Variants in PRMT3 observed in about 807,000 individuals in gnomAD.
PRMT3 encodes protein arginine methyltransferase 3.
PRMT3 carries 62 observed loss-of-function variants against 71.9 expected under a neutral mutation model. The ratio of observed to expected loss-of-function variants is 0.86; its 90% CI spans 0.70 to 1.07. PRMT3 has a LOEUF of 1.07. Ranked by LOEUF, PRMT3 falls within the 50% of genes least tolerant of loss-of-function variation. The probability of loss-of-function intolerance (pLI) is 0.00; values close to 1 mark genes in which losing one functional copy is unlikely to be tolerated. For synonymous variants in PRMT3, 213 were observed against 220.4 expected (o/e 0.97, Z 0.30); for missense variants, 663 against 643.0 (o/e 1.03, Z -0.34).
At chr11:20,481,067 T>C (rs1011950482) in intron 13 of PRMT3, among the ~76,000 whole-genome samples, 33 of 152,108 alleles carry the variant, frequency 2.2e-4, no homozygotes, top group African/African-American at 7.5e-4. Context: ...TTTGAAAATA[T>C]CCATCAAAAT....
Position 20,478,485 on chromosome 11 carries a change from T to C in PRMT3, c.1347+13939T>C, listed in dbSNP as rs543261192. 2.0e-5 allele frequency among the ~76,000 whole-genome samples: 3 copies of C among 151,852 alleles called. No individual in the cohort carries two copies. In the East Asian group the frequency reaches 5.8e-4, roughly 29 times the overall value. On this transcript the variant is annotated intron_variant, in intron 13 of 15. Coordinates refer to ENST00000331079, the MANE Select transcript of PRMT3 (RefSeq NM_005788.4). ...GTTGAAGGCTGCAGCAAGCAATGATTGTACCACTGCACTCCAGCCTGGGTG... is the reference window on the plus strand; with the variant it reads ...GTTGAAGGCTGCAGCAAGCAATGATCGTACCACTGCACTCCAGCCTGGGTG...
intron 15 of PRMT3, among the ~76,000 whole-genome samples, chr11:20,502,058 G>C (rs1006557071): frequency 1.3e-5 from 2 of 152,096 alleles, no homozygotes; most frequent in African/African-American, 2.4e-5. Flanking sequence ...AAAATACACT[G>C]TAACAATTAA....
chr11:20,446,748 G>A (rs1850039243), intron 10 of PRMT3, among the ~76,000 whole-genome samples: 1 of 152,070 alleles, frequency 6.6e-6, no homozygotes, highest in Admixed American at 6.6e-5. Context: ...ATTGTACAAA[G>A]ATGTCTATGT....
intron 13 of PRMT3, among the ~76,000 whole-genome samples, chr11:20,466,853 A>C (rs766847194): frequency 6.6e-5 from 10 of 152,230 alleles, no homozygotes; most frequent in Admixed American, 1.3e-4. Context: ...CTAAGTATCA[A>C]ATAGTTACTT....
intron 7 of PRMT3, among the ~76,000 whole-genome samples, chr11:20,401,847 G>A (rs905732966): frequency 2.6e-5 from 4 of 152,176 alleles, no homozygotes; most frequent in African/African-American, 7.2e-5. Context: ...ACTCCAGAGT[G>A]TAGGAGCCTT....
chr11:20,426,650 G>T, intron 9 of PRMT3, 116 bp from the exon 10 acceptor site: 1 of 1,087,574 alleles, frequency 9.2e-7, no homozygotes, highest in Non-Finnish European at 1.2e-6. Context: ...ACTAAGCTTT[G>T]ATTGAAATAC....
chr11:20,493,192 T>C (rs1030418118), intron 13 of PRMT3, among the ~76,000 whole-genome samples: 2 of 152,126 alleles, frequency 1.3e-5, no homozygotes, highest in Admixed American at 6.6e-5. Context: ...TTGGAGTTTC[T>C]CCTTTGAGTA....
At chr11:20,424,447 C>T (rs180796768) in intron 9 of PRMT3, among the ~76,000 whole-genome samples, 35 of 152,196 alleles carry the variant, frequency 2.3e-4, no homozygotes, top group Non-Finnish European at 4.1e-4. Context: ...GATAGTTTTC[C>T]CAACAACATT....
At chr11:20,408,161 GAAT>G (rs1454039960) in intron 9 of PRMT3, 129 bp downstream of exon 9, 5 of 555,354 alleles carry the variant, frequency 9.0e-6, no homozygotes, top group Non-Finnish European at 1.1e-5. Context: ...ATTCACTCCA[GAAT>G]AATAAGATTT....
chr11:20,411,490 T>C (rs1227027738), intron 9 of PRMT3, among the ~76,000 whole-genome samples: 2 of 152,088 alleles, frequency 1.3e-5, no homozygotes, highest in African/African-American at 2.4e-5. Context: ...CTCCAAAGTA[T>C]ATCTAGAATC....
chr11:20,450,189 C>T (rs534639271), intron 10 of PRMT3, among the ~76,000 whole-genome samples: 1 of 152,014 alleles, frequency 6.6e-6, no homozygotes, highest in Non-Finnish European at 1.5e-5. Flanking sequence ...TTAATTTGTA[C>T]TAAAGTGTTA....
Position 20,387,976 on chromosome 11 carries a change from A to AC in PRMT3, c.29-41dup. The AC allele has an allele frequency of 6.2e-7, 1 of 1,611,772 alleles. No individual in the cohort carries two copies. Among genetic ancestry groups the AC allele is most frequent in the Non-Finnish European group, 8.5e-7 (1 of 1,178,828 alleles). ...CCTGCTCCTCGAGCCCCCGGGCCGC[A>AC]CCGGTGTCCGAGGCCGATCTGATTG... On this transcript the variant is annotated intron_variant, in intron 1 of 15. Coordinates refer to ENST00000331079, the MANE Select transcript of PRMT3 (RefSeq NM_005788.4). This position sits in a 1 kb window ranked among gnomAD's most constrained non-coding sequence, Gnocchi z 4.3.
intron 15 of PRMT3, among the ~76,000 whole-genome samples, chr11:20,500,360 C>T (rs1406445939): frequency 6.6e-6 from 1 of 152,128 alleles, no homozygotes; most frequent in Non-Finnish European, 1.5e-5. Context: ...TCAGTGCAAT[C>T]TCAGTCAAAA....
At chr11:20,393,053 G>C in intron 5 of PRMT3, 54 bp downstream of exon 5, 1 of 1,125,402 alleles carries the variant, frequency 8.9e-7, no homozygotes, top group Non-Finnish European at 1.3e-6. Context: ...GTTTGTTAAC[G>C]GCAAAATGGA....
chr11:20,455,425 T>C (rs1850246692), intron 11 of PRMT3, among the ~76,000 whole-genome samples: 1 of 152,112 alleles, frequency 6.6e-6, no homozygotes, highest in South Asian at 2.1e-4. Flanking sequence ...ATGAGGTTGG[T>C]GGTGGTAGAT....
At chr11:20,445,430 A>C (rs974355661) in intron 10 of PRMT3, among the ~76,000 whole-genome samples, 2 of 152,128 alleles carry the variant, frequency 1.3e-5, no homozygotes, top group Non-Finnish European at 2.9e-5. Flanking sequence ...TGTTCCACAC[A>C]TGCTATAACC....
At position 20,392,241 on chromosome 11, in the gene PRMT3, T is replaced by C; in HGVS notation, c.278T>C (p.Ile93Thr). Residue 93 changes from isoleucine to threonine, a missense_variant, in exon 4 of 16, where the codon ATA becomes ACA. Transcript: ENST00000331079. The stretch of plus-strand genomic sequence containing the variant: ...GAATTTTATGGATACATTAAGCTAA[T>C]AAATTTTATTAGACTTAAGGTAAGT... The part of the protein sequence containing the change: ...GLEFYGYIKL[I>T]NFIRLKNPTV... 6.4e-7 allele frequency: 1 copy of C among 1,562,796 alleles called. No homozygotes were observed. The highest frequency in any genetic ancestry group is 1.2e-5 in the South Asian group (1 of 86,682).
In PRMT3 at chr11:20,407,980, G is replaced by T; in HGVS notation, c.841G>T (p.Val281Phe). 1 of 1,603,068 alleles carries T rather than the reference G, an allele frequency of 6.2e-7. No homozygotes were observed. Among genetic ancestry groups the T allele is most frequent in the Non-Finnish European group, 8.5e-7 (1 of 1,170,192 alleles). ...MFAAKAGAKK[V>F]LGVDQSEILY... ...TGCTGCTAAAGCTGGGGCGAAGAAG[G>T]TTCTTGGAGTTGATCAATCTGAAAT... Residue 281 changes from valine (V) to phenylalanine (F), a missense_variant, in exon 9 of 16, where the codon GTT (valine) becomes TTT (phenylalanine). Coordinates refer to ENST00000331079, the MANE Select transcript of PRMT3 (RefSeq NM_005788.4).
At chr11:20,408,901 C>A (rs2133324420) in intron 9 of PRMT3, among the ~76,000 whole-genome samples, 1 of 151,948 alleles carries the variant, frequency 6.6e-6, no homozygotes, top group South Asian at 2.1e-4. Context: ...CAAGGCCAGC[C>A]TAGGCAAAAT....
Sources: gnomAD v4.1 joint callset for allele counts (sites outside exome capture counted in the v4.1 genomes callset) on GRCh38, gnomAD v4.1.1 for gene constraint, Gnocchi (gnomAD v3.1) non-coding constraint, MANE v1.5 for transcripts, NCBI Gene and HGNC (gene_info 2026-07-23, HGNC 2026-07-21) for gene names.